Variants in IGSF21 observed in about 807,000 individuals in gnomAD.
The protein encoded by IGSF21 is immunoglobin superfamily member 21.
IGSF21 carries 28 observed loss-of-function variants against 46.8 expected under a neutral mutation model. The observed-to-expected ratio is 0.60, with a 90% confidence interval of 0.44 to 0.82. IGSF21 has a LOEUF of 0.82. IGSF21 is among the 40% of genes least tolerant of loss of function. The probability of loss-of-function intolerance (pLI) is 0.00; values close to 1 mark genes in which losing one functional copy is unlikely to be tolerated. For synonymous variants in IGSF21, 284 were observed against 273.6 expected, an observed-to-expected ratio of 1.04 and a Z score of -0.38; for missense variants, 624 against 665.5, an observed-to-expected ratio of 0.94 and a Z score of 0.69.
chr1:18,280,498 C>T (rs189850809), intron 2 of IGSF21, among the ~76,000 whole-genome samples: 1 of 152,122 alleles, frequency 6.6e-6, no homozygotes, highest in Admixed American at 6.5e-5. Flanking sequence ...CATTTTACAG[C>T]TAACAGCACT....
chr1:18,361,584 C>T (rs16861839), intron 4 of IGSF21: 3,555 of 155,146 alleles, frequency 0.023, 87 homozygotes, highest in East Asian at 0.1. Context: ...CAACCTACTG[C>T]GGGCTCTGGC....
intron 1 of IGSF21, among the ~76,000 whole-genome samples, chr1:18,161,619 G>A (rs74356373): frequency 0.014 from 2,084 of 152,220 alleles, 36 homozygotes; most frequent in African/African-American, 0.047. Flanking sequence ...GCAATCCCCT[G>A]GCTGAGAGGC....
intron 3 of IGSF21, among the ~76,000 whole-genome samples, chr1:18,321,405 G>A (rs1213935037): frequency 2.6e-5 from 4 of 152,186 alleles, no homozygotes; most frequent in African/African-American, 9.7e-5. Context: ...GCCTCTCTGT[G>A]TGCTACACCC....
At chr1:18,299,330 A>G (rs984051762) in intron 3 of IGSF21, among the ~76,000 whole-genome samples, 3 of 152,250 alleles carry the variant, frequency 2.0e-5, no homozygotes, top group Non-Finnish European at 4.4e-5. Flanking sequence ...TGGTTCAAAG[A>G]GCAGAGGGGT....
chr1:18,378,198 T>C, intron 9 of IGSF21, 58 bp from the exon 10 acceptor site: 3 of 1,424,938 alleles, frequency 2.1e-6, no homozygotes, highest in East Asian at 2.3e-5. Flanking sequence ...GAGGCTCTGC[T>C]GTTCTGGAAC....
intron 1 of IGSF21, among the ~76,000 whole-genome samples, chr1:18,160,385 C>T (rs958107993): frequency 6.6e-6 from 1 of 152,182 alleles, no homozygotes; most frequent in Non-Finnish European, 1.5e-5. Flanking sequence ...GCATTATGCC[C>T]TCATGCAGTA....
At chr1:18,162,626 G>T (rs918598535) in intron 1 of IGSF21, among the ~76,000 whole-genome samples, 2 of 152,172 alleles carry the variant, frequency 1.3e-5, no homozygotes. Context: ...TGCTCTGTAG[G>T]TTAGGTGTAC....
chr1:18,250,612 G>T (rs774089284), intron 2 of IGSF21, among the ~76,000 whole-genome samples: 1 of 152,078 alleles, frequency 6.6e-6, no homozygotes, highest in East Asian at 1.9e-4. Flanking sequence ...AAAGAGGATC[G>T]CCAGGTAGTT....
intron 1 of IGSF21, among the ~76,000 whole-genome samples, chr1:18,130,794 A>C (rs2086313675): frequency 6.6e-6 from 1 of 152,232 alleles, no homozygotes; most frequent in Non-Finnish European, 1.5e-5. Context: ...CCGCTTGTGG[A>C]GAGCAGCAGC....
intron 1 of IGSF21, among the ~76,000 whole-genome samples, chr1:18,174,746 G>T (rs2086778704): frequency 6.6e-6 from 1 of 152,204 alleles, no homozygotes; most frequent in South Asian, 2.1e-4. Flanking sequence ...TTTCCCCAGG[G>T]CTTGAGCCCC....
intron 2 of IGSF21, among the ~76,000 whole-genome samples, chr1:18,229,873 C>T (rs1194546873): frequency 6.6e-6 from 1 of 152,212 alleles, no homozygotes; most frequent in Non-Finnish European, 1.5e-5. Context: ...GATGATGGGA[C>T]CACATCTCTC....
At chr1:18,137,083 G>A (rs12026310) in intron 1 of IGSF21, among the ~76,000 whole-genome samples, 34,076 of 152,042 alleles carry the variant, frequency 0.22, 4,564 homozygotes, top group East Asian at 0.52. Context: ...GGCTGTACAG[G>A]AAGCATAGCA....
At chr1:18,116,676 C>A (rs758256039) in intron 1 of IGSF21, among the ~76,000 whole-genome samples, 1 of 152,188 alleles carries the variant, frequency 6.6e-6, no homozygotes, top group African/African-American at 2.4e-5. Flanking sequence ...AGAGACCTCT[C>A]GGGGAGTTTC....
chr1:18,307,572 G>T (rs1305255069), intron 3 of IGSF21, among the ~76,000 whole-genome samples: 4 of 152,226 alleles, frequency 2.6e-5, no homozygotes. Context: ...AAACCCGCCT[G>T]CTGGGTGAAA....
At chr1:18,269,285 G>A (rs2085020518) in intron 2 of IGSF21, among the ~76,000 whole-genome samples, 1 of 152,118 alleles carries the variant, frequency 6.6e-6, no homozygotes, top group African/African-American at 2.4e-5. Flanking sequence ...ATGCCCTGAG[G>A]GGCCATTTGG....
chr1:18,253,418 G>A lies in IGSF21; in HGVS notation c.183+25408G>A, dbSNP rs1358929032. 2.6e-5 allele frequency among the ~76,000 whole-genome samples: 4 copies of A among 152,212 alleles called. No individual in the cohort carries two copies. The East Asian group carries it at 7.7e-4, about 29-fold the overall frequency. On this transcript the variant is annotated intron_variant, in intron 2 of 9. Coordinates refer to ENST00000251296, the MANE Select transcript of IGSF21 (RefSeq NM_032880.5). Reference sequence around the variant, plus strand: ...CCTTGAGGACTGGGCCAGGTCCCAGGATGGGCCACAGCCCATCAGCCTTGC... The same window carrying A: ...CCTTGAGGACTGGGCCAGGTCCCAGAATGGGCCACAGCCCATCAGCCTTGC...
At chr1:18,116,322 C>T (rs1306949333) in intron 1 of IGSF21, among the ~76,000 whole-genome samples, 1 of 152,206 alleles carries the variant, frequency 6.6e-6, no homozygotes, top group Admixed American at 6.5e-5. Flanking sequence ...CTCTGTGGGG[C>T]AGCCACCTGC....
intron 1 of IGSF21, among the ~76,000 whole-genome samples, chr1:18,159,213 A>T (rs748005504): frequency 1.3e-4 from 20 of 152,220 alleles, no homozygotes; most frequent in Non-Finnish European, 2.8e-4. Flanking sequence ...TCAATGAAAG[A>T]TGATCAGTAG....
intron 3 of IGSF21, among the ~76,000 whole-genome samples, chr1:18,316,489 A>C: frequency 6.6e-6 from 1 of 152,014 alleles, no homozygotes; most frequent in East Asian, 1.9e-4. Flanking sequence ...TCCAACCTTG[A>C]ACTCTGGTGT....
Sources: gnomAD v4.1 joint callset for allele counts (sites outside exome capture counted in the v4.1 genomes callset) on GRCh38, gnomAD v4.1.1 for gene constraint, MANE v1.5 for transcripts, NCBI Gene and HGNC (gene_info 2026-07-23, HGNC 2026-07-21) for gene names.